The following LMBR1 variants were observed in gnomAD, a reference collection of about 807,000 sequenced individuals.
LMBR1 encodes limb development membrane protein 1.
In LMBR1, 52 loss-of-function variants were observed where a neutral mutation model predicts 73.9. The observed-to-expected ratio is 0.70, with a 90% confidence interval of 0.56 to 0.89. The LOEUF is 0.89. Among genes scored for constraint, LMBR1 ranks in the 40% least tolerant of loss-of-function variants. The pLI, the probability that LMBR1 is intolerant of heterozygous loss-of-function variation, is 0.00. For missense variants in LMBR1, 539 were observed against 579.8 expected, an observed-to-expected ratio of 0.93 and a Z score of 0.72; for synonymous variants, 215 against 209.4, an observed-to-expected ratio of 1.03 and a Z score of -0.23.
chr7:156,858,118 C>G (rs1214616059), intron 1 of LMBR1, among the ~76,000 whole-genome samples: 2 of 110,014 alleles, frequency 1.8e-5, no homozygotes, highest in East Asian at 2.7e-4. Context: ...TTAATGAAAA[C>G]AGGAAATCAA....
chr7:156,710,386 G>C (rs559267661), intron 15 of LMBR1, among the ~76,000 whole-genome samples: 33 of 152,264 alleles, frequency 2.2e-4, no homozygotes, highest in African/African-American at 7.9e-4. Flanking sequence ...AAATGCACTG[G>C]AAAGTTTCAA....
At chr7:156,804,170 T>C (rs918223069) in intron 4 of LMBR1, among the ~76,000 whole-genome samples, 6 of 152,042 alleles carry the variant, frequency 3.9e-5, no homozygotes, top group Admixed American at 3.9e-4. Flanking sequence ...AAAAAAAAGA[T>C]GGATTTTCTA....
chr7:156,855,666 C>CAAAA (rs35231167), intron 1 of LMBR1, among the ~76,000 whole-genome samples: 12 of 87,290 alleles, frequency 1.4e-4, no homozygotes, highest in African/African-American at 2.2e-4. Flanking sequence ...AACGTAAATA[C>CAAAA]AAAAAAAAAA....
intron 1 of LMBR1, among the ~76,000 whole-genome samples, chr7:156,883,980 A>G (rs998674933): frequency 6.6e-6 from 1 of 152,222 alleles, no homozygotes; most frequent in Non-Finnish European, 1.5e-5. Flanking sequence ...AGGGGCCATT[A>G]TGCTGCCTAC....
At chr7:156,788,200 C>T (rs1047068300) in intron 5 of LMBR1, among the ~76,000 whole-genome samples, 6 of 152,106 alleles carry the variant, frequency 3.9e-5, no homozygotes, top group African/African-American at 1.4e-4. Context: ...TTTGGGAAGT[C>T]AAGGTGGGCG....
chr7:156,706,439 A>G (rs1395817958), intron 15 of LMBR1, among the ~76,000 whole-genome samples: 2 of 152,238 alleles, frequency 1.3e-5, no homozygotes, highest in African/African-American at 2.4e-5. Context: ...TCAACTGCAG[A>G]ATTTATGTTC....
chr7:156,691,896 T>C (rs935010446), intron 15 of LMBR1, among the ~76,000 whole-genome samples: 1 of 152,132 alleles, frequency 6.6e-6, no homozygotes, highest in Non-Finnish European at 1.5e-5. Flanking sequence ...TAAGACAGTG[T>C]TGGGAAAAAA....
intron 1 of LMBR1, among the ~76,000 whole-genome samples, chr7:156,853,227 C>T (rs1304822203): frequency 5.3e-5 from 8 of 152,066 alleles, no homozygotes; most frequent in African/African-American, 9.7e-5. Context: ...CGTGAGCCAC[C>T]GCACCCGGCC....
At chr7:156,804,806 C>T (rs1398794544) in intron 4 of LMBR1, among the ~76,000 whole-genome samples, 2 of 136,118 alleles carry the variant, frequency 1.5e-5, no homozygotes, top group Non-Finnish European at 3.2e-5. Context: ...TCTTTATTCT[C>T]TTAACAGTAT....
chr7:156,861,489 T>C (rs970660971), intron 1 of LMBR1, among the ~76,000 whole-genome samples: 2 of 152,190 alleles, frequency 1.3e-5, no homozygotes, highest in Non-Finnish European at 2.9e-5. Context: ...TTGGAGACAT[T>C]TTCCCCCTTG....
chr7:156,694,139 G>A (rs1441077711), intron 15 of LMBR1, among the ~76,000 whole-genome samples: 1 of 151,982 alleles, frequency 6.6e-6, no homozygotes, highest in Non-Finnish European at 1.5e-5. Context: ...AGGTAAAGAA[G>A]GAATTTATCT....
chr7:156,865,942 GGA>G, intron 1 of LMBR1, among the ~76,000 whole-genome samples: 1 of 151,956 alleles, frequency 6.6e-6, no homozygotes, highest in Non-Finnish European at 1.5e-5. Flanking sequence ...AACTGAAAAT[GGA>G]ACATAGATCT....
chr7:156,755,531 T>A (rs555911692), intron 9 of LMBR1, among the ~76,000 whole-genome samples: 1 of 152,230 alleles, frequency 6.6e-6, no homozygotes, highest in Non-Finnish European at 1.5e-5. Flanking sequence ...GCATGTTTAT[T>A]GCACAGTAGC....
Position 156,684,075 on chromosome 7 carries a change from G to A in LMBR1, c.*3C>T, listed in dbSNP as rs747448254. On this transcript the variant is annotated 3_prime_UTR_variant, in exon 17 of 17. Transcript: ENST00000353442. ...TGGTGGCAGAAGACGCCGTCTGTGC[G>A]TCTCACAGTGCTTTCTGATGCCCAT... 65 of 1,611,578 alleles carry A rather than the reference G, an allele frequency of 4.0e-5. No individual in the cohort carries two copies. The highest frequency in any genetic ancestry group is 4.6e-5 in the Non-Finnish European group (54 of 1,177,834).
At chr7:156,684,185 G>A in intron 16 of LMBR1, 22 bp from the exon 17 acceptor site, 1 of 1,573,198 alleles carries the variant, frequency 6.4e-7, no homozygotes, top group African/African-American at 1.3e-5. Flanking sequence ...TTAAGAAAAT[G>A]GTGAGAAATG....
chr7:156,670,031 A>G lies in LMBR1; in HGVS notation n.867-744T>C, dbSNP rs1802131333. 6.6e-6 allele frequency among the ~76,000 whole-genome samples: 1 copy of G among 152,218 alleles called. No individual in the cohort carries two copies. The highest frequency in any genetic ancestry group is 1.5e-5 in the Non-Finnish European group (1 of 68,026). ...TGGCCTCTCTCTCCAGTGGTCATGTAGTTTTTTTTATTTGCTGTTTATTTA... is the reference window on the plus strand; with the variant it reads ...TGGCCTCTCTCTCCAGTGGTCATGTGGTTTTTTTTATTTGCTGTTTATTTA... On this transcript the variant is annotated intron_variant and non_coding_transcript_variant, in intron 4 of 4. Transcript: ENST00000430825. The surrounding 1 kb of genome is among the most constrained non-coding windows in gnomAD (Gnocchi z 4.3).
chr7:156,835,449 C>G (rs953509737), intron 2 of LMBR1, among the ~76,000 whole-genome samples: 2 of 152,192 alleles, frequency 1.3e-5, no homozygotes, highest in African/African-American at 4.8e-5. Flanking sequence ...AATCCCAGCA[C>G]TTTAGGAAGT....
rs376693224 is a variant in LMBR1 at position 156,724,155 on chromosome 7, G to A, written c.1182C>T (p.Ile394=). 3.7e-6 allele frequency: 6 copies of A among 1,610,582 alleles called. No homozygotes were observed. In the Admixed American group the frequency reaches 5.0e-5, roughly 14 times the overall value. The change falls in exon 15 of 17, where the codon ATC becomes ATT. Residue 394 remains isoleucine, a synonymous_variant. Transcript: ENST00000353442. ...CAGGCAGAGCAGAGCTCAAAACCAA[G>A]ATGGACACACAATTTCCAATGATCT... ...MTKIIGNCVS[I]LVLSSALPVM...
At chr7:156,859,863 T>C (rs1484755972) in intron 1 of LMBR1, among the ~76,000 whole-genome samples, 2 of 152,118 alleles carry the variant, frequency 1.3e-5, no homozygotes, top group South Asian at 2.1e-4. Context: ...GAAAAACAAA[T>C]TGGAGGACTG....
Sources: allele counts gnomAD v4.1 joint callset (sites outside exome capture counted in the v4.1 genomes callset), GRCh38; gene constraint gnomAD v4.1.1; non-coding constraint Gnocchi (gnomAD v3.1); transcripts MANE v1.5; gene names NCBI Gene and HGNC (gene_info 2026-07-23, HGNC 2026-07-21).